PRICKLE1: variants seen among roughly 807,000 people sequenced by gnomAD.
PRICKLE1 encodes prickle-like protein 1.
Under a neutral mutation model 70.2 loss-of-function variants are expected in PRICKLE1, and 14 were observed. That is an observed-to-expected ratio of 0.20 (90% CI 0.13 to 0.31). PRICKLE1 has a LOEUF of 0.31. PRICKLE1 is among the 10% of genes least tolerant of loss of function. The pLI, the probability that PRICKLE1 is intolerant of heterozygous loss-of-function variation, is 1.00. For synonymous variants in PRICKLE1, 357 were observed against 379.9 expected (o/e 0.94, Z 0.70); for missense variants, 821 against 1,026.2 (o/e 0.80, Z 2.73).
chr12:42,559,142 A>C (rs974807089), intron 1 of PRICKLE1, among the ~76,000 whole-genome samples: 2 of 152,224 alleles, frequency 1.3e-5, no homozygotes, highest in African/African-American at 4.8e-5. Context: ...GAATTCCTAC[A>C]AAGAAATCAC....
chr12:42,459,007 C>T lies in PRICKLE1; in HGVS notation c.*802G>A, dbSNP rs778118882. ...TCAAAAAAAGTTGAATTTTCCATCA[C>T]TAGGCAATGTAAATTTGACCATCTA... On this transcript the variant is annotated 3_prime_UTR_variant, in exon 8 of 8. Coordinates refer to ENST00000345127, the MANE Select transcript of PRICKLE1 (RefSeq NM_153026.3). The T allele has an allele frequency of 2.1e-5, 7 of 326,354 alleles. No homozygotes were observed. Among genetic ancestry groups the T allele is most frequent in the Non-Finnish European group, 3.9e-5 (7 of 177,530 alleles). The allele number at this position is 326,354 out of a possible 1,614,324, so 20.2% of individuals were successfully genotyped here. A position where few individuals can be genotyped will look rare whatever the true frequency, so the allele number is the denominator to read the frequency against.
chr12:42,477,614 C>T (rs1180573953), intron 1 of PRICKLE1, among the ~76,000 whole-genome samples: 1 of 151,126 alleles, frequency 6.6e-6, no homozygotes, highest in African/African-American at 2.4e-5. Context: ...AGAAGGGAGC[C>T]TGGCCATTCC....
chr12:42,469,838 A>T (rs370617233), intron 3 of PRICKLE1: 1 of 554,370 alleles, frequency 1.8e-6, no homozygotes. Context: ...ACACAGAATT[A>T]AAAAATATAT....
chr12:42,578,382 A>G (rs1343653960), intron 1 of PRICKLE1, among the ~76,000 whole-genome samples: 2 of 149,128 alleles, frequency 1.3e-5, no homozygotes, highest in East Asian at 3.9e-4. Flanking sequence ...TTCTACCTCT[A>G]TTTTTTTTTT....
intron 1 of PRICKLE1, among the ~76,000 whole-genome samples, chr12:42,494,136 C>G (rs576244684): frequency 7.2e-5 from 11 of 152,274 alleles, no homozygotes; most frequent in Non-Finnish European, 1.3e-4. Flanking sequence ...ATCATCTGAG[C>G]CTTCAGTAAG....
chr12:42,560,766 TCTCA>T (rs1438603312), intron 1 of PRICKLE1, among the ~76,000 whole-genome samples: 24 of 119,236 alleles, frequency 2.0e-4, no homozygotes, highest in East Asian at 8.5e-4. Flanking sequence ...AAGCCCATCT[TCTCA>T]CACACACACA....
In PRICKLE1 at chr12:42,571,799, A is replaced by G. The variant is rs116966062; in HGVS notation, c.-49+17666T>C. Among the ~76,000 whole-genome samples the G allele has an allele frequency of 8.9e-4, 136 of 152,340 alleles. 2 individuals are homozygous for G. The East Asian group carries it at 0.016, about 17-fold the overall frequency. On this transcript the variant is annotated intron_variant, in intron 1 of 7. Coordinates refer to ENST00000345127, the MANE Select transcript of PRICKLE1 (RefSeq NM_153026.3). ...TTCTCCCCATTTCAGAGGTACCTGT[A>G]TGAGTACATGCCCCAGTCCTGCCCC...
Position 42,548,178 on chromosome 12 carries a change from G to A in PRICKLE1, c.-49+41287C>T, listed in dbSNP as rs566762344. On this transcript the variant is annotated intron_variant, in intron 1 of 7. Transcript: ENST00000345127. ...TAGGATTACAGGAGTGAGCCACTGCGCTCAGCTGAAACAAAGTTTTAACTG... is the reference window on the plus strand; with the variant it reads ...TAGGATTACAGGAGTGAGCCACTGCACTCAGCTGAAACAAAGTTTTAACTG... Among the ~76,000 whole-genome samples, 174 of 151,902 alleles carry A rather than the reference G, an allele frequency of 1.1e-3. 1 individual carries two copies. The highest frequency in any genetic ancestry group is 1.4e-3 in the Non-Finnish European group (95 of 67,974).
chr12:42,482,394 A>C (rs1483046819), intron 1 of PRICKLE1, among the ~76,000 whole-genome samples: 1 of 152,232 alleles, frequency 6.6e-6, no homozygotes, highest in Non-Finnish European at 1.5e-5. Flanking sequence ...GCGGTGCTCT[A>C]ATGAGCCCAT....
chr12:42,541,206 T>C (rs541300124), intron 1 of PRICKLE1, among the ~76,000 whole-genome samples: 20 of 152,228 alleles, frequency 1.3e-4, no homozygotes, highest in Non-Finnish European at 2.6e-4. Flanking sequence ...AAAACAGAAG[T>C]TGGCGATTAT....
chr12:42,582,984 G>A (rs767369070), intron 1 of PRICKLE1, among the ~76,000 whole-genome samples: 6 of 152,150 alleles, frequency 3.9e-5, no homozygotes, highest in South Asian at 2.1e-4. Flanking sequence ...ATTCATGCAC[G>A]TAAATAGGAT....
intron 1 of PRICKLE1, among the ~76,000 whole-genome samples, chr12:42,477,467 T>TGG (rs1938599849): frequency 2.2e-5 from 1 of 45,614 alleles, no homozygotes; most frequent in African/African-American, 4.3e-5. Context: ...CGTATATATG[T>TGG]GTGTGTGTGT....
At chr12:42,466,133 G>T in intron 6 of PRICKLE1, 61 bp downstream of exon 6, 1 of 1,556,108 alleles carries the variant, frequency 6.4e-7, no homozygotes, top group East Asian at 2.2e-5. Context: ...AAATAAGACT[G>T]GATAATCCAA....
At chr12:42,487,000 G>A (rs1156589365) in intron 1 of PRICKLE1, among the ~76,000 whole-genome samples, 1 of 152,130 alleles carries the variant, frequency 6.6e-6, no homozygotes, top group East Asian at 1.9e-4. Flanking sequence ...ACAGCAGTTT[G>A]GTTGTTCTGA....
Position 42,465,101 on chromosome 12 carries a change from G to A in PRICKLE1, c.933C>T (p.Asp311=), listed in dbSNP as rs1291662022. The change falls in exon 7 of 8, where the codon GAC becomes GAT. Residue 311 remains aspartate, a synonymous_variant. Coordinates refer to ENST00000345127, the MANE Select transcript of PRICKLE1 (RefSeq NM_153026.3). ...AGTCGGAAGAATCAGAGGCATGGAC[G>A]TCTTCACCAAGACTGCACGTTTTTG... is the stretch of plus-strand genomic sequence containing the variant. ...YCSKTCSLGE[D]VHASDSSDSA... 9 of 1,564,986 alleles carry A rather than the reference G, an allele frequency of 5.8e-6. No individual in the cohort carries two copies. The highest frequency in any genetic ancestry group is 2.5e-5 in the South Asian group (2 of 81,084).
intron 1 of PRICKLE1, among the ~76,000 whole-genome samples, chr12:42,523,413 C>A (rs140634463): frequency 6.6e-6 from 1 of 152,348 alleles, no homozygotes; most frequent in Non-Finnish European, 1.5e-5. Flanking sequence ...GGTCTTTTCA[C>A]AAAGAGGCCA....
At chr12:42,529,333 T>C (rs1939866943) in intron 1 of PRICKLE1, among the ~76,000 whole-genome samples, 1 of 152,224 alleles carries the variant, frequency 6.6e-6, no homozygotes. Context: ...AACTAAGCTA[T>C]TAATTATGTA....
intron 1 of PRICKLE1, among the ~76,000 whole-genome samples, chr12:42,481,573 G>A (rs139479096): frequency 6.6e-6 from 1 of 152,248 alleles, no homozygotes; most frequent in African/African-American, 2.4e-5. Context: ...CAGCTTCTTT[G>A]TTAAACTGCT....
At chr12:42,479,954 TA>T (rs201559277) in intron 1 of PRICKLE1, among the ~76,000 whole-genome samples, 2,302 of 144,170 alleles carry the variant, frequency 0.016, 36 homozygotes, top group African/African-American at 0.047. Flanking sequence ...AACTCCATCT[TA>T]AAAAAAAAAA....
Sources: gnomAD v4.1 joint callset for allele counts (sites outside exome capture counted in the v4.1 genomes callset) on GRCh38, gnomAD v4.1.1 for gene constraint, MANE v1.5 for transcripts, NCBI Gene and HGNC (gene_info 2026-07-23, HGNC 2026-07-21) for gene names.